DMD: variants seen among roughly 807,000 people sequenced by gnomAD.
DMD encodes dystrophin.
In DMD, 63 loss-of-function variants were observed where a neutral mutation model predicts 330.1. The observed-to-expected ratio is 0.19, with a 90% CI of 0.16 to 0.24. DMD has a LOEUF of 0.24. Among genes scored for constraint, DMD ranks in the 10% least tolerant of loss-of-function variants. DMD has a pLI of 1.00. For synonymous variants in DMD, 1,223 were observed against 959.8 expected, an observed-to-expected ratio of 1.27 and a Z score of -5.07; for missense variants, 3,344 against 2,684.1, an observed-to-expected ratio of 1.25 and a Z score of -5.43.
Position 31,357,393 on chromosome X carries a change from G to A in DMD, c.9085-8759C>T, listed in dbSNP as rs773571559. ...GGTATTGTCCGAAAAAAAAAAAAAA[G>A]ACGGCATATATTAGGAAATTCATAT... On this transcript the variant is annotated intron_variant, in intron 60 of 78. Coordinates refer to ENST00000357033, the MANE Select transcript of DMD (RefSeq NM_004006.3). 9.0e-3 allele frequency among the ~76,000 whole-genome samples: 927 copies of A among 103,446 alleles called. 8 individuals are homozygous for A. Among genetic ancestry groups the A allele is most frequent in the African/African-American group, 0.031 (876 of 28,379 alleles). The allele number at this position is 103,446 out of a possible 115,157, so 89.8% of individuals were successfully genotyped here.
chrX:31,409,547 G>A (rs1305550228), intron 60 of DMD, among the ~76,000 whole-genome samples: 1 of 112,148 alleles, frequency 8.9e-6, no homozygotes, highest in Non-Finnish European at 1.9e-5. Flanking sequence ...AAAATGCTCA[G>A]TCAACTCTAA....
At chrX:31,148,026 A>G (rs1276869936) in intron 74 of DMD, among the ~76,000 whole-genome samples, 1 of 111,240 alleles carries the variant, frequency 9.0e-6, no homozygotes, top group Admixed American at 9.6e-5. Context: ...AAGTTTTTTG[A>G]AGAAAGAAAA....
intron 9 of DMD, among the ~76,000 whole-genome samples, chrX:32,646,069 C>T (rs978903621): frequency 3.8e-4 from 42 of 111,529 alleles, no homozygotes; most frequent in African/African-American, 1.3e-3. Context: ...GAGGCTGGAG[C>T]GCTCTGCGTG....
intron 13 of DMD, among the ~76,000 whole-genome samples, chrX:32,578,709 G>T (rs1290304722): frequency 6.3e-5 from 7 of 111,683 alleles, no homozygotes; most frequent in Non-Finnish European, 1.3e-4. Context: ...GCCAGGGATA[G>T]AATATGAAAC....
intron 44 of DMD, among the ~76,000 whole-genome samples, chrX:32,022,330 C>A (rs2095811920): frequency 8.9e-6 from 1 of 112,087 alleles, no homozygotes; most frequent in Non-Finnish European, 1.9e-5. Context: ...TTGCTCTAAA[C>A]TAATTCAATA....
intron 28 of DMD, among the ~76,000 whole-genome samples, chrX:32,440,745 A>T (rs2098278729): frequency 8.9e-6 from 1 of 111,948 alleles, no homozygotes; most frequent in African/African-American, 3.2e-5. Context: ...TAATAACTCA[A>T]AACATTCCGT....
chrX:32,380,718 C>A, intron 33 of DMD, 38 bp from the exon 34 acceptor site: 1 of 1,149,193 alleles, frequency 8.7e-7, no homozygotes, highest in Non-Finnish European at 1.2e-6. Flanking sequence ...TTAGTTTACT[C>A]TTTAATTCAA....
intron 62 of DMD, among the ~76,000 whole-genome samples, chrX:31,322,386 GT>G (rs2056488211): frequency 1.8e-5 from 2 of 111,871 alleles, no homozygotes; most frequent in South Asian, 7.5e-4. Context: ...AAAATGTACA[GT>G]TTTGAGTGAC....
At chrX:31,721,700 C>CCA (rs1569292839) in intron 52 of DMD, among the ~76,000 whole-genome samples, 38 of 64,704 alleles carry the variant, frequency 5.9e-4, no homozygotes, top group African/African-American at 2.7e-3. Flanking sequence ...CTCTCTCTCT[C>CCA]TCTCTCTCTC....
At chrX:32,648,687 A>G (rs768260211) in intron 9 of DMD, among the ~76,000 whole-genome samples, 25 of 112,299 alleles carry the variant, frequency 2.2e-4, no homozygotes, top group Non-Finnish European at 3.9e-4. Flanking sequence ...CTACATTTGT[A>G]TATTTTCCAT....
At chrX:31,601,305 T>C in intron 55 of DMD, among the ~76,000 whole-genome samples, 1 of 112,159 alleles carries the variant, frequency 8.9e-6, no homozygotes, top group East Asian at 2.8e-4. Flanking sequence ...ATGTTGTAAA[T>C]AAGTTTTTAA....
intron 48 of DMD, among the ~76,000 whole-genome samples, chrX:31,859,588 T>C (rs960966308): frequency 1.1e-4 from 12 of 112,068 alleles, no homozygotes; most frequent in Middle Eastern, 4.6e-3. Context: ...TAGGATATAG[T>C]AGAATAAGGA....
chrX:33,074,513 T>TTAAC (rs1370754196), intron 1 of DMD, among the ~76,000 whole-genome samples: 3 of 110,983 alleles, frequency 2.7e-5, no homozygotes, highest in Non-Finnish European at 1.9e-5. Flanking sequence ...CCTCCAAAAT[T>TTAAC]TAACCCCCAG....
At chrX:33,292,444 G>A (rs2053526167) in intron 1 of DMD, among the ~76,000 whole-genome samples, 1 of 111,271 alleles carries the variant, frequency 9.0e-6, no homozygotes, top group South Asian at 3.7e-4. Flanking sequence ...ATATTCGGAA[G>A]ATCTTCAAAG....
intron 26 of DMD, among the ~76,000 whole-genome samples, chrX:32,451,216 G>A (rs1324467962): frequency 1.8e-5 from 2 of 110,698 alleles, no homozygotes; most frequent in Non-Finnish European, 3.8e-5. Context: ...CACTGAATCA[G>A]AAATTCTGGG....
chrX:32,698,057 C>G, intron 8 of DMD, 59 bp from the exon 9 acceptor site: 1 of 1,106,047 alleles, frequency 9.0e-7, no homozygotes, highest in East Asian at 3.3e-5. Context: ...ATAAGTAACC[C>G]GAAAGGACTA....
At chrX:32,966,457 G>A (rs1438552598) in intron 2 of DMD, among the ~76,000 whole-genome samples, 5 of 111,473 alleles carry the variant, frequency 4.5e-5, no homozygotes, top group East Asian at 5.6e-4. Context: ...TGTGCCCTGG[G>A]ATACAAGATC....
chrX:32,631,187 A>C (rs1211643280), intron 11 of DMD, among the ~76,000 whole-genome samples: 1 of 111,268 alleles, frequency 9.0e-6, no homozygotes, highest in Non-Finnish European at 1.9e-5. Context: ...CAACAAAGAG[A>C]GTCTCTCTCT....
At chrX:32,132,769 C>T (rs573941075) in intron 44 of DMD, among the ~76,000 whole-genome samples, 2 of 110,229 alleles carry the variant, frequency 1.8e-5, no homozygotes, top group South Asian at 7.8e-4. Flanking sequence ...TATATTTTTT[C>T]ACATTATACC....
Sources: gnomAD v4.1 joint callset for allele counts (sites outside exome capture counted in the v4.1 genomes callset) on GRCh38, gnomAD v4.1.1 for gene constraint, MANE v1.5 for transcripts, NCBI Gene and HGNC (gene_info 2026-07-23, HGNC 2026-07-21) for gene names.